ZNF345: variants seen among roughly 807,000 people sequenced by gnomAD.
ZNF345 encodes zinc finger protein 345.
For synonymous variants in ZNF345, 166 were observed against 187.9 expected, an observed-to-expected ratio of 0.88 and a Z score of 0.95; for missense variants, 527 against 589.9, an observed-to-expected ratio of 0.89 and a Z score of 1.10.
At chr19:36,887,343 T>TAA (rs148914120) in intron 3 of ZNF345, among the ~76,000 whole-genome samples, 39,550 of 152,096 alleles carry the variant, frequency 0.26, 5,787 homozygotes, top group Non-Finnish European at 0.34. Flanking sequence ...ACATTTGGAA[T>TAA]AAAGTGTAAG....
intron 2 of ZNF345, among the ~76,000 whole-genome samples, chr19:36,871,475 T>G (rs1485276520): frequency 6.6e-6 from 1 of 152,184 alleles, no homozygotes; most frequent in African/African-American, 2.4e-5. Flanking sequence ...ATCTTCACAT[T>G]TTACCATTAA....
chr19:36,854,221 T>G (rs1004046591), intron 2 of ZNF345, among the ~76,000 whole-genome samples: 1 of 147,272 alleles, frequency 6.8e-6, no homozygotes, highest in Non-Finnish European at 1.5e-5. Flanking sequence ...AGTGATAATT[T>G]TAGCCTGGGT....
At chr19:36,873,166 A>G (rs1307837711) in intron 2 of ZNF345, among the ~76,000 whole-genome samples, 1 of 151,366 alleles carries the variant, frequency 6.6e-6, no homozygotes, top group Admixed American at 6.6e-5. Context: ...TTTTCACTTA[A>G]TATTTCTTTC....
downstream of ZNF345, among the ~76,000 whole-genome samples, chr19:36,882,656 TTG>T (rs569063580): frequency 2.0e-5 from 3 of 152,254 alleles, no homozygotes; most frequent in African/African-American, 7.2e-5. Flanking sequence ...GTCTGTATGT[TTG>T]TGTGTGTTTC....
At chr19:36,867,768 A>G (rs943038414) in intron 2 of ZNF345, among the ~76,000 whole-genome samples, 3 of 152,048 alleles carry the variant, frequency 2.0e-5, no homozygotes, top group African/African-American at 4.8e-5. Context: ...TGGACTTACT[A>G]TCCTTCTGGG....
chr19:36,880,104 G>C (rs574395852), downstream of ZNF345, among the ~76,000 whole-genome samples: 4 of 152,220 alleles, frequency 2.6e-5, no homozygotes, highest in East Asian at 7.7e-4. Context: ...GCCAAGGTGG[G>C]TGGATCACTT....
intron 2 of ZNF345, among the ~76,000 whole-genome samples, chr19:36,862,687 A>AT (rs1430892255): frequency 2.0e-5 from 3 of 150,646 alleles, no homozygotes; most frequent in African/African-American, 7.3e-5. Context: ...AAAAAAAAAA[A>AT]GTTAAAACTA....
chr19:36,890,114 T>C (rs2073035635), intron 3 of ZNF345: 1 of 152,224 alleles, frequency 6.6e-6, no homozygotes, highest in South Asian at 2.1e-4. Context: ...TATTCCACTA[T>C]GGTCAGAGAA....
intron 2 of ZNF345, among the ~76,000 whole-genome samples, chr19:36,869,353 G>T (rs2072728608): frequency 6.6e-6 from 1 of 152,194 alleles, no homozygotes; most frequent in Non-Finnish European, 1.5e-5. Flanking sequence ...CAGTTTCTAT[G>T]CCCTTTCCTG....
At position 36,877,619 on chromosome 19, in the gene ZNF345, T is replaced by C. The variant is rs149140770; in HGVS notation, c.789T>C (p.Cys263=). 3.7e-6 allele frequency: 6 copies of C among 1,614,024 alleles called. No individual in the cohort carries two copies. The African/African-American group carries it at 8.0e-5, about 22-fold the overall frequency. Residue 263 remains cysteine (C), a synonymous_variant, in exon 3 of 3, where the codon TGT becomes TGC. Coordinates refer to ENST00000420450, the MANE Select transcript of ZNF345 (RefSeq NM_001242472.2). The stretch of plus-strand genomic sequence containing the variant: ...AGAAACCATATATATGTAATGAATG[T>C]GGTAAGGCCTTTAGTTTTGGATCAG... ...TGEKPYICNE[C]GKAFSFGSAL...
rs576608087 is a variant in ZNF345 at position 36,853,101 on chromosome 19, G to A, written c.-47+1197G>A. Among the ~76,000 whole-genome samples the A allele has an allele frequency of 1.5e-3, 230 of 151,720 alleles. 1 individual carries two copies. Among genetic ancestry groups the A allele is most frequent in the African/African-American group, 5.4e-3 (223 of 41,426 alleles). On this transcript the variant is annotated intron_variant, in intron 2 of 2. Transcript: ENST00000420450. Reference sequence around the variant, plus strand: ...TCTGGTTTGACTTTTCACTCTATGTGGTGCCTTTTGACAAATAGAAGTTCT... The same window carrying A: ...TCTGGTTTGACTTTTCACTCTATGTAGTGCCTTTTGACAAATAGAAGTTCT...
intron 2 of ZNF345, among the ~76,000 whole-genome samples, chr19:36,859,069 C>T (rs527709091): frequency 2.7e-5 from 4 of 149,674 alleles, no homozygotes; most frequent in South Asian, 4.2e-4. Context: ...ACACATACCA[C>T]GTTTAATCAG....
At position 36,879,047 on chromosome 19, in the gene ZNF345, A is replaced by G. The variant is rs1364021798; in HGVS notation, c.*750A>G. On this transcript the variant is annotated 3_prime_UTR_variant, in exon 3 of 3. Coordinates refer to ENST00000420450, the MANE Select transcript of ZNF345 (RefSeq NM_001242472.2). ...GAGATGGGGTTTCACCACGTTGGCC[A>G]GGATGGTCTCGATCTCTTGACCTCG... 6.1e-6 allele frequency: 1 copy of G among 165,202 alleles called. No homozygotes were observed. The highest frequency in any genetic ancestry group is 2.4e-5 in the African/African-American group (1 of 41,436). 10.2% of individuals were successfully genotyped at this position (165,202 alleles called of 1,614,324 possible). A position where few individuals can be genotyped will look rare whatever the true frequency, so the allele number is the denominator to read the frequency against.
chr19:36,891,535 C>T, intron 3 of ZNF345: 1 of 1,599,228 alleles, frequency 6.3e-7, no homozygotes, highest in Non-Finnish European at 8.5e-7. Flanking sequence ...GTCAGAGCGA[C>T]TACCAAAAGC....
chr19:36,856,788 T>A (rs1027534716), intron 2 of ZNF345, among the ~76,000 whole-genome samples: 3 of 150,492 alleles, frequency 2.0e-5, no homozygotes, highest in African/African-American at 7.4e-5. Flanking sequence ...AGGCAGAGAC[T>A]GCAGTGAGCC....
chr19:36,857,044 A>C (rs1035958557), intron 2 of ZNF345, among the ~76,000 whole-genome samples: 1 of 152,128 alleles, frequency 6.6e-6, no homozygotes, highest in South Asian at 2.1e-4. Context: ...TTGTGTAGCT[A>C]TTGATCTGTG....
intron 2 of ZNF345, among the ~76,000 whole-genome samples, chr19:36,873,745 G>A (rs752222599): frequency 1.4e-5 from 2 of 143,744 alleles, no homozygotes; most frequent in Non-Finnish European, 3.0e-5. Context: ...ATTTCTCTTC[G>A]TCTCCCTTAT....
At chr19:36,871,601 A>G (rs1463061529) in intron 2 of ZNF345, among the ~76,000 whole-genome samples, 2 of 152,184 alleles carry the variant, frequency 1.3e-5, no homozygotes, top group East Asian at 3.9e-4. Flanking sequence ...GTAGTCTTCA[A>G]GCTCTCTTTA....
intron 2 of ZNF345, among the ~76,000 whole-genome samples, chr19:36,860,663 A>G (rs1414015059): frequency 6.6e-6 from 1 of 152,158 alleles, no homozygotes; most frequent in African/African-American, 2.4e-5. Flanking sequence ...GTAATATTGT[A>G]TCCTTCTTGC....
Sources: allele counts gnomAD v4.1 joint callset (sites outside exome capture counted in the v4.1 genomes callset), GRCh38; gene constraint gnomAD v4.1.1; transcripts MANE v1.5; gene names NCBI Gene and HGNC (gene_info 2026-07-23, HGNC 2026-07-21).